GRIN2A: variants seen among roughly 807,000 people sequenced by gnomAD.
GRIN2A encodes the protein glutamate receptor ionotropic, NMDA 2A.
Under a neutral mutation model 113.4 loss-of-function variants are expected in GRIN2A, and 22 were observed. The ratio of observed to expected loss-of-function variants is 0.19; its 90% CI spans 0.14 to 0.28. GRIN2A has a LOEUF of 0.28. Among genes scored for constraint, GRIN2A ranks in the 10% least tolerant of loss-of-function variants. The pLI is 1.00. For synonymous variants in GRIN2A, 827 were observed against 738.4 expected, an observed-to-expected ratio of 1.12 and a Z score of -1.94; for missense variants, 1,502 against 1,887.0, an observed-to-expected ratio of 0.80 and a Z score of 3.78.
chr16:10,077,415 T>A (rs1031834205), intron 2 of GRIN2A, among the ~76,000 whole-genome samples: 1 of 152,114 alleles, frequency 6.6e-6, no homozygotes, highest in African/African-American at 2.4e-5. Flanking sequence ...CTCCTCTTTC[T>A]CTCATTCTGC....
intron 2 of GRIN2A, among the ~76,000 whole-genome samples, chr16:10,163,338 T>C (rs951689630): frequency 1.3e-5 from 2 of 152,168 alleles, no homozygotes; most frequent in African/African-American, 4.8e-5. Context: ...TGTTTTCATA[T>C]TTTAGGAAAG....
At chr16:10,047,215 T>C (rs966474133) in intron 2 of GRIN2A, among the ~76,000 whole-genome samples, 5 of 152,222 alleles carry the variant, frequency 3.3e-5, no homozygotes, top group Non-Finnish European at 7.3e-5. Context: ...TAAATGATCA[T>C]TTATTTTATA....
intron 4 of GRIN2A, among the ~76,000 whole-genome samples, chr16:9,858,437 GT>G: frequency 6.6e-6 from 1 of 152,038 alleles, no homozygotes; most frequent in South Asian, 2.1e-4. Flanking sequence ...AACAAAATAG[GT>G]TGTGTGGGAG....
At chr16:9,834,520 T>A in intron 7 of GRIN2A, among the ~76,000 whole-genome samples, 1 of 152,172 alleles carries the variant, frequency 6.6e-6, no homozygotes, top group East Asian at 1.9e-4. Flanking sequence ...TAGCTGGGAC[T>A]ACAGGCATGT....
intron 3 of GRIN2A, among the ~76,000 whole-genome samples, chr16:9,919,264 A>G (rs1390042239): frequency 6.6e-6 from 1 of 152,162 alleles, no homozygotes; most frequent in Non-Finnish European, 1.5e-5. Context: ...TCTTCATACC[A>G]TGCTTCTCTT....
intron 2 of GRIN2A, among the ~76,000 whole-genome samples, chr16:10,134,638 A>G (rs528992267): frequency 1.6e-3 from 240 of 152,232 alleles, no homozygotes; most frequent in Non-Finnish European, 2.9e-3. Context: ...ATAATAAAAA[A>G]AAAATTTAGG....
At chr16:9,960,831 G>A (rs944365680) in intron 2 of GRIN2A, among the ~76,000 whole-genome samples, 2 of 152,102 alleles carry the variant, frequency 1.3e-5, no homozygotes, top group East Asian at 1.9e-4. Context: ...TGCCAATGTC[G>A]TCCAGGCTAG....
At chr16:9,798,200 TG>T in intron 11 of GRIN2A, 76 bp downstream of exon 11, 1 of 1,177,940 alleles carries the variant, frequency 8.5e-7, no homozygotes, top group Non-Finnish European at 1.3e-6. Flanking sequence ...AAAGATCCAC[TG>T]GGAAGCCCAG....
At chr16:9,893,615 C>G (rs1271282814) in intron 3 of GRIN2A, among the ~76,000 whole-genome samples, 2 of 152,208 alleles carry the variant, frequency 1.3e-5, no homozygotes, top group East Asian at 3.9e-4. Context: ...TACAGGTGCC[C>G]ACCACTATGC....
intron 2 of GRIN2A, among the ~76,000 whole-genome samples, chr16:10,063,516 CCTT>C (rs1210577647): frequency 3.3e-5 from 5 of 152,202 alleles, no homozygotes; most frequent in African/African-American, 1.2e-4. Flanking sequence ...TCTATTCTCT[CCTT>C]CTTTAACATG....
chr16:9,862,143 G>A (rs2043080027), intron 4 of GRIN2A, among the ~76,000 whole-genome samples: 1 of 152,150 alleles, frequency 6.6e-6, no homozygotes. Context: ...TAACATACAG[G>A]ATTAAATAAA....
intron 11 of GRIN2A, among the ~76,000 whole-genome samples, chr16:9,796,949 G>T (rs1237742191): frequency 6.6e-6 from 1 of 152,234 alleles, no homozygotes; most frequent in Non-Finnish European, 1.5e-5. Context: ...AGAATTCAAA[G>T]ACTCACATGT....
chr16:9,791,646 A>G (rs1431795593), intron 11 of GRIN2A, among the ~76,000 whole-genome samples: 1 of 152,196 alleles, frequency 6.6e-6, no homozygotes, highest in Non-Finnish European at 1.5e-5. Flanking sequence ...TGAGGATATT[A>G]GCAACCCATC....
intron 10 of GRIN2A, among the ~76,000 whole-genome samples, chr16:9,798,806 A>G (rs539781849): frequency 1.3e-5 from 2 of 152,348 alleles, no homozygotes; most frequent in African/African-American, 4.8e-5. Flanking sequence ...GCATCAGAAC[A>G]AAATAAACCA....
At chr16:10,173,585 C>T (rs1424223438) in intron 2 of GRIN2A, among the ~76,000 whole-genome samples, 2 of 152,178 alleles carry the variant, frequency 1.3e-5, no homozygotes, top group Non-Finnish European at 2.9e-5. Context: ...AAGCTGGCAT[C>T]GGAGCCAATG....
At position 10,180,660 on chromosome 16, in the gene GRIN2A, CT is replaced by C. The variant is rs1211818377; in HGVS notation, c.-18-232del. 4.4e-6 allele frequency: 3 copies of C among 675,716 alleles called. No homozygotes were observed. In the African/African-American group the frequency reaches 5.4e-5, roughly 12 times the overall value. The allele number at this position is 675,716 out of a possible 1,614,324, so 41.9% of individuals were successfully genotyped here. Reference sequence around the variant, plus strand: ...CTAATTCTCCATCCCCCAGCCCCTTCTCGCATCCAGCTTCCTCATCCCCTGT... The same window carrying C: ...CTAATTCTCCATCCCCCAGCCCCTTCCGCATCCAGCTTCCTCATCCCCTGT... On this transcript the variant is annotated intron_variant, in intron 1 of 12. Transcript: ENST00000330684. The surrounding 1 kb of genome is among the most constrained non-coding windows in gnomAD (Gnocchi z 7.0).
intron 2 of GRIN2A, 105 bp downstream of exon 2, chr16:10,179,893 C>CCAAAAAAAAAAA: frequency 1.4e-6 from 1 of 719,818 alleles, no homozygotes; most frequent in Non-Finnish European, 2.4e-6. Flanking sequence ...CCCCCACCCC[C>CCAAAAAAAAAAA]ACTTCACATC....
intron 4 of GRIN2A, 151 bp from the exon 5 acceptor site, chr16:9,850,112 AC>A: frequency 1.4e-6 from 1 of 725,766 alleles, no homozygotes; most frequent in South Asian, 1.6e-5. Flanking sequence ...GCTAAGACAA[AC>A]GGGCATAAAG....
intron 3 of GRIN2A, among the ~76,000 whole-genome samples, chr16:9,908,692 G>C (rs1331152054): frequency 1.3e-5 from 2 of 152,226 alleles, no homozygotes; most frequent in Non-Finnish European, 2.9e-5. Context: ...GGAGTTTGAA[G>C]CCCAGCAGAG....
Sources: gnomAD v4.1 joint callset for allele counts (sites outside exome capture counted in the v4.1 genomes callset) on GRCh38, gnomAD v4.1.1 for gene constraint, Gnocchi (gnomAD v3.1) non-coding constraint, MANE v1.5 for transcripts, NCBI Gene and HGNC (gene_info 2026-07-23, HGNC 2026-07-21) for gene names.